Variants in GABBR2 observed in about 807,000 individuals in gnomAD.
GABBR2 encodes gamma-aminobutyric acid type B receptor subunit 2.
A neutral mutation model predicts 105.6 loss-of-function variants in GABBR2; 23 were observed. The ratio of observed to expected loss-of-function variants is 0.22; its 90% CI spans 0.16 to 0.31. The LOEUF (loss-of-function observed/expected upper bound fraction) is 0.31. Among genes scored for constraint, GABBR2 ranks in the 10% least tolerant of loss-of-function variants. GABBR2 has a pLI of 1.00. For synonymous variants in GABBR2, 478 were observed against 499.7 expected (o/e 0.96, Z 0.58); for missense variants, 734 against 1,245.5 (o/e 0.59, Z 6.18).
chr9:98,325,358 C>T (rs1830904550), intron 13 of GABBR2, among the ~76,000 whole-genome samples: 1 of 120,776 alleles, frequency 8.3e-6, no homozygotes, highest in African/African-American at 3.3e-5. Context: ...GTGGTGTGAT[C>T]TTGGCTCACT....
rs1829412784 is a variant in GABBR2 at position 98,605,950 on chromosome 9, G to A, written c.322-27878C>T. Among the ~76,000 whole-genome samples, 3 of 151,866 alleles carry A rather than the reference G, an allele frequency of 2.0e-5. No individual in the cohort carries two copies. In the South Asian group the frequency reaches 6.2e-4, roughly 32 times the overall value. On this transcript the variant is annotated intron_variant, in intron 1 of 18. Coordinates refer to ENST00000259455, the MANE Select transcript of GABBR2 (RefSeq NM_005458.8). ...TCCCTCCACCCCACTACAGGCCCCG[G>A]TGTGTGATGTTCCCCTTCCTGTGTC...
intron 13 of GABBR2, among the ~76,000 whole-genome samples, chr9:98,326,279 ATT>A (rs1388336660): frequency 1.3e-5 from 2 of 152,198 alleles, no homozygotes; most frequent in African/African-American, 2.4e-5. Context: ...TCTAACTATA[ATT>A]TAGCATTTGT....
intron 13 of GABBR2, among the ~76,000 whole-genome samples, chr9:98,323,630 C>A (rs1122156): frequency 6.6e-6 from 1 of 152,202 alleles, no homozygotes; most frequent in African/African-American, 2.4e-5. Flanking sequence ...CAGCTCCAGT[C>A]CTCGTCCAGG....
intron 3 of GABBR2, among the ~76,000 whole-genome samples, chr9:98,510,722 TA>T (rs1367824983): frequency 6.6e-6 from 1 of 151,734 alleles, no homozygotes; most frequent in Non-Finnish European, 1.5e-5. Context: ...AAGAGCTAAC[TA>T]TCCTAAATAT....
intron 1 of GABBR2, among the ~76,000 whole-genome samples, chr9:98,623,286 G>T (rs563631042): frequency 6.6e-6 from 1 of 152,110 alleles, no homozygotes; most frequent in Non-Finnish European, 1.5e-5. Context: ...TTAGCTGGGG[G>T]TGGTGGCCCA....
intron 3 of GABBR2, among the ~76,000 whole-genome samples, chr9:98,537,826 A>G (rs1828211881): frequency 6.6e-6 from 1 of 152,264 alleles, no homozygotes; most frequent in African/African-American, 2.4e-5. Flanking sequence ...TAAGGCTATT[A>G]AAAGTGAAGA....
chr9:98,684,169 T>TTAAAA lies in GABBR2; in HGVS notation c.321+24247_321+24248insTTTTA, dbSNP rs376323708. On this transcript the variant is annotated intron_variant, in intron 1 of 18. Transcript: ENST00000259455. Reference sequence around the variant, plus strand: ...AAAAGAAGAATGCATTTTACCACGGTAAAAAAAAAAAAAAAAAAAAAAAAA... The same window carrying TTAAAA: ...AAAAGAAGAATGCATTTTACCACGGTTAAAAAAAAAAAAAAAAAAAAAAAAAAAAA... Among the ~76,000 whole-genome samples the TTAAAA allele has an allele frequency of 1.5e-3, 96 of 66,140 alleles. 25 individuals carry two copies. The highest frequency in any genetic ancestry group is 1.6e-3 in the Non-Finnish European group (58 of 36,732). 43.4% of individuals were successfully genotyped at this position (66,140 alleles called of 152,430 possible).
At chr9:98,423,615 T>C (rs1352754159) in intron 7 of GABBR2, among the ~76,000 whole-genome samples, 5 of 152,254 alleles carry the variant, frequency 3.3e-5, no homozygotes, top group Non-Finnish European at 7.3e-5. Context: ...TTTAATTAGA[T>C]CCCATTTGTC....
intron 1 of GABBR2, among the ~76,000 whole-genome samples, chr9:98,627,458 C>T (rs1053276722): frequency 6.6e-5 from 10 of 152,202 alleles, no homozygotes; most frequent in African/African-American, 1.4e-4. Context: ...TTCATTCTTC[C>T]GGCTAATGCA....
chr9:98,362,848 G>A lies in GABBR2; in HGVS notation c.1771-11C>T. On this transcript the variant is annotated splice_polypyrimidine_tract_variant and intron_variant, in intron 12 of 18. Transcript: ENST00000259455. ...CTGGTCCTTGATGATCTACAGAGCG[G>A]GAAGGAGCAGAGGGGAGCCGATGTG... 1 of 1,562,714 alleles carries A rather than the reference G, an allele frequency of 6.4e-7. No individual in the cohort carries two copies. Among genetic ancestry groups the A allele is most frequent in the African/African-American group, 1.4e-5 (1 of 73,204 alleles).
At chr9:98,449,309 C>A (rs1433106941) in intron 7 of GABBR2, among the ~76,000 whole-genome samples, 1 of 152,210 alleles carries the variant, frequency 6.6e-6, no homozygotes, top group Non-Finnish European at 1.5e-5. Flanking sequence ...TGTCCATTCC[C>A]ACTGCTATTG....
intron 4 of GABBR2, among the ~76,000 whole-genome samples, chr9:98,489,590 T>C (rs762615867): frequency 6.6e-6 from 1 of 152,108 alleles, no homozygotes; most frequent in African/African-American, 2.4e-5. Context: ...TCTAATTTTA[T>C]TATTTAGTGT....
chr9:98,693,200 A>T (rs1441176312), intron 1 of GABBR2, among the ~76,000 whole-genome samples: 1 of 152,212 alleles, frequency 6.6e-6, no homozygotes, highest in Non-Finnish European at 1.5e-5. Flanking sequence ...CTCTGAAACC[A>T]GGATGAGGTC....
At chr9:98,520,280 A>G (rs1827841341) in intron 3 of GABBR2, among the ~76,000 whole-genome samples, 2 of 152,228 alleles carry the variant, frequency 1.3e-5, no homozygotes, top group Admixed American at 1.3e-4. Context: ...TGCCACTGAT[A>G]CTAAATCCTG....
In GABBR2 at chr9:98,589,280, C is replaced by A. The variant is rs543260602; in HGVS notation, c.322-11208G>T. On this transcript the variant is annotated intron_variant, in intron 1 of 18. Transcript: ENST00000259455. Reference sequence around the variant, plus strand: ...CCGCACAGTCTGAAGGCTCACCCTGCCCATCTCTCTTCATATCCTTTCAAA... The same window carrying A: ...CCGCACAGTCTGAAGGCTCACCCTGACCATCTCTCTTCATATCCTTTCAAA... Among the ~76,000 whole-genome samples, 9 of 152,336 alleles carry A rather than the reference C, an allele frequency of 5.9e-5. No individual in the cohort carries two copies. The South Asian group carries it at 1.9e-3, about 32-fold the overall frequency.
At position 98,473,429 on chromosome 9, in the gene GABBR2, G is replaced by C. The variant is rs1826725694; in HGVS notation, c.799-83C>G. On this transcript the variant is annotated intron_variant, in intron 5 of 18. Coordinates refer to ENST00000259455, the MANE Select transcript of GABBR2 (RefSeq NM_005458.8). Reference sequence around the variant, plus strand: ...GCCCTGGAAGACAGGTGGGGAGGAAGGCTTCCTCTTCCCAGAGGATTTAGG... The same window carrying C: ...GCCCTGGAAGACAGGTGGGGAGGAACGCTTCCTCTTCCCAGAGGATTTAGG... 46 of 843,346 alleles carry C rather than the reference G, an allele frequency of 5.5e-5. No homozygotes were observed. In the South Asian group the frequency reaches 6.5e-4, roughly 12 times the overall value. The allele number at this position is 843,346 out of a possible 1,614,324, so 52.2% of individuals were successfully genotyped here.
chr9:98,471,022 C>G (rs1044100693), intron 6 of GABBR2, among the ~76,000 whole-genome samples: 3 of 152,050 alleles, frequency 2.0e-5, no homozygotes, highest in Non-Finnish European at 2.9e-5. Flanking sequence ...CCAGTGGGAC[C>G]TAGGGGTGGC....
chr9:98,415,729 T>C (rs571655416), intron 7 of GABBR2, among the ~76,000 whole-genome samples: 2 of 152,346 alleles, frequency 1.3e-5, no homozygotes, highest in South Asian at 4.1e-4. Context: ...ATCTCCATTT[T>C]ACAGATGAGG....
intron 1 of GABBR2, among the ~76,000 whole-genome samples, chr9:98,614,499 T>C (rs1829551064): frequency 6.6e-6 from 1 of 152,176 alleles, no homozygotes; most frequent in African/African-American, 2.4e-5. Flanking sequence ...CACTCCAGCC[T>C]GGGCAACAAG....
Sources: gnomAD v4.1 joint callset for allele counts (sites outside exome capture counted in the v4.1 genomes callset) on GRCh38, gnomAD v4.1.1 for gene constraint, MANE v1.5 for transcripts, NCBI Gene and HGNC (gene_info 2026-07-23, HGNC 2026-07-21) for gene names.